The following LDAF1 variants were observed in gnomAD, a reference collection of about 807,000 sequenced individuals.
LDAF1 encodes lipid droplet assembly factor 1.
In LDAF1, 7 loss-of-function variants were observed where a neutral mutation model predicts 13.5. The observed-to-expected ratio is 0.52, with a 90% confidence interval of 0.29 to 0.97. The LOEUF (loss-of-function observed/expected upper bound fraction) is 0.97, where lower values mean the gene tolerates loss of function less well. LDAF1 is among the 50% of genes least tolerant of loss of function. The pLI is 0.07. For missense variants in LDAF1, 148 were observed against 193.2 expected, an observed-to-expected ratio of 0.77 and a Z score of 1.39; for synonymous variants, 69 against 77.1, an observed-to-expected ratio of 0.89 and a Z score of 0.55.
chr16:21,165,275 A>G (rs1434022390), intron 2 of LDAF1, among the ~76,000 whole-genome samples: 6 of 152,232 alleles, frequency 3.9e-5, no homozygotes, highest in African/African-American at 1.4e-4. Context: ...AGCCTGGCCA[A>G]CATGGTGAAA....
chr16:21,167,031 T>G (rs2093030838), intron 2 of LDAF1: 3 of 925,128 alleles, frequency 3.2e-6, no homozygotes. Flanking sequence ...TGCCGTCCTG[T>G]GGCCTGGCAG....
Position 21,159,267 on chromosome 16 carries a change from C to T in LDAF1, c.-99+521C>T, listed in dbSNP as rs980658219. 7 of 1,430,112 alleles carry T rather than the reference C, an allele frequency of 4.9e-6. No homozygotes were observed. In the Admixed American group the frequency reaches 1.0e-4, roughly 21 times the overall value. The allele number at this position is 1,430,112 out of a possible 1,614,324, so 88.6% of individuals were successfully genotyped here. On this transcript the variant is annotated intron_variant, in intron 1 of 4. Coordinates refer to ENST00000233047, the MANE Select transcript of LDAF1 (RefSeq NM_001301771.2). The stretch of plus-strand genomic sequence containing the variant: ...AATTAATAACTAAGTACTCGACTCC[C>T]CTCTGAGTTCCCATTATTCAGTCTC...
At chr16:21,168,292 G>A (rs192494312) in intron 2 of LDAF1, among the ~76,000 whole-genome samples, 5 of 151,938 alleles carry the variant, frequency 3.3e-5, no homozygotes, top group Admixed American at 3.3e-4. Flanking sequence ...TGGGATTACA[G>A]GTATGAGCCA....
chr16:21,164,288 G>C lies in LDAF1; in HGVS notation c.96+3010G>C, dbSNP rs373834197. 1.4e-4 allele frequency among the ~76,000 whole-genome samples: 21 copies of C among 152,172 alleles called. 1 individual carries two copies. In the South Asian group the frequency reaches 3.7e-3, roughly 27 times the overall value. On this transcript the variant is annotated intron_variant, in intron 2 of 4. Coordinates refer to ENST00000233047, the MANE Select transcript of LDAF1 (RefSeq NM_001301771.2). ...AGACAGAGTCTCACTCTGTCTTCCAGGCTGGAGTATAGTGGTGTGATCATG... is the reference window on the plus strand; with the variant it reads ...AGACAGAGTCTCACTCTGTCTTCCACGCTGGAGTATAGTGGTGTGATCATG...
intron 1 of LDAF1, among the ~76,000 whole-genome samples, chr16:21,159,650 G>C (rs867897005): frequency 7.9e-5 from 12 of 152,338 alleles, no homozygotes; most frequent in Middle Eastern, 3.4e-3. Flanking sequence ...TCCCTTCTCG[G>C]GAGACAGCTC....
intron 2 of LDAF1, among the ~76,000 whole-genome samples, chr16:21,167,521 G>A (rs1324730622): frequency 6.6e-6 from 1 of 152,174 alleles, no homozygotes; most frequent in Non-Finnish European, 1.5e-5. Flanking sequence ...GAGTCAGATC[G>A]AAAATTCCTT....
intron 3 of LDAF1, among the ~76,000 whole-genome samples, chr16:21,171,137 A>C (rs1017842832): frequency 6.6e-6 from 1 of 152,340 alleles, no homozygotes; most frequent in East Asian, 1.9e-4. Context: ...CACCTACTGC[A>C]TGCCAGATGC....
At chr16:21,172,455 G>A (rs959088920) in intron 3 of LDAF1, among the ~76,000 whole-genome samples, 60 of 151,532 alleles carry the variant, frequency 4.0e-4, no homozygotes, top group Admixed American at 7.2e-4. Context: ...TCAAAAAAAA[G>A]AAAAGAAAAG....
chr16:21,166,986 G>A lies in LDAF1; in HGVS notation c.97-3451G>A. 11 of 1,404,176 alleles carry A rather than the reference G, an allele frequency of 7.8e-6. No individual in the cohort carries two copies. The South Asian group carries it at 1.2e-4, about 16-fold the overall frequency. The allele number at this position is 1,404,176 out of a possible 1,614,324, so 87.0% of individuals were successfully genotyped here. ...CTTTGGTGGCTTTTGTCAGAATGGTGGGGTAGCAGGAGGCAGTGAGGTCAG... is the reference window on the plus strand; with the variant it reads ...CTTTGGTGGCTTTTGTCAGAATGGTAGGGTAGCAGGAGGCAGTGAGGTCAG... On this transcript the variant is annotated intron_variant, in intron 2 of 4. Coordinates refer to ENST00000233047, the MANE Select transcript of LDAF1 (RefSeq NM_001301771.2).
Position 21,179,482 on chromosome 16 carries a change from A to G in LDAF1, c.412A>G (p.Thr138Ala), listed in dbSNP as rs754238079. ...CTTCTTGTTATCCGACAGGCCACTG[A>G]CACAGCAAAACACCAGTTGTGACTT... is the stretch of plus-strand genomic sequence containing the variant. Reference protein sequence around the residue: ...ISCWFSPRPLTQQNTSCDFLP... With the variant: ...ISCWFSPRPLAQQNTSCDFLP... The change falls in exon 5 of 5, where the codon ACA becomes GCA. Residue 138 changes from threonine (T) to alanine (A), a missense_variant. Coordinates refer to ENST00000233047, the MANE Select transcript of LDAF1 (RefSeq NM_001301771.2). 2 of 1,614,170 alleles carry G rather than the reference A, an allele frequency of 1.2e-6. No homozygotes were observed. Among genetic ancestry groups the G allele is most frequent in the South Asian group, 2.2e-5 (2 of 91,082 alleles).
chr16:21,168,143 T>C (rs2093044328), intron 2 of LDAF1, among the ~76,000 whole-genome samples: 1 of 152,092 alleles, frequency 6.6e-6, no homozygotes, highest in Admixed American at 6.5e-5. Context: ...GCCTCCCTAG[T>C]AGCTGGGACT....
At chr16:21,175,581 G>T (rs550242844) in intron 4 of LDAF1, among the ~76,000 whole-genome samples, 177 of 152,330 alleles carry the variant, frequency 1.2e-3, no homozygotes, top group African/African-American at 4.2e-3. Flanking sequence ...GCCGTAGCAT[G>T]AAGGCAGCAC....
chr16:21,168,796 AATT>A (rs961607400), intron 2 of LDAF1, among the ~76,000 whole-genome samples: 2 of 131,964 alleles, frequency 1.5e-5, no homozygotes, highest in East Asian at 2.1e-4. Context: ...TTATAAATAT[AATT>A]ATATTTTTAT....
rs370882955 is a variant in LDAF1, at chr16:21,179,463, G to C, written c.405-12G>C. 1.9e-6 allele frequency: 3 copies of C among 1,614,044 alleles called. No individual in the cohort carries two copies. In the Admixed American group the frequency reaches 5.0e-5, roughly 27 times the overall value. On this transcript the variant is annotated splice_polypyrimidine_tract_variant and intron_variant, in intron 4 of 4. Coordinates refer to ENST00000233047, the MANE Select transcript of LDAF1 (RefSeq NM_001301771.2). ...GCCCTAGAGCTAACGATCTCTTCTT[G>C]TTATCCGACAGGCCACTGACACAGC...
At chr16:21,166,823 CTCTCTT>C in intron 2 of LDAF1, 1 of 1,535,472 alleles carries the variant, frequency 6.5e-7, no homozygotes, top group East Asian at 2.4e-5. Flanking sequence ...GCTCCTCCGC[CTCTCTT>C]TCTCTTTCAG....
intron 1 of LDAF1, chr16:21,159,312 A>AC: frequency 6.2e-7 from 1 of 1,607,466 alleles, no homozygotes; most frequent in East Asian, 2.2e-5. Flanking sequence ...TGGGACGCGG[A>AC]CCCCCTCTCC....
At chr16:21,177,563 T>C (rs2093149796) in intron 4 of LDAF1, among the ~76,000 whole-genome samples, 1 of 151,822 alleles carries the variant, frequency 6.6e-6, no homozygotes, top group South Asian at 2.1e-4. Flanking sequence ...AGGCATATAA[T>C]AGGTCATGTT....
chr16:21,169,004 ATAT>A (rs1486955231), intron 2 of LDAF1: 1 of 143,570 alleles, frequency 7.0e-6, no homozygotes, highest in Non-Finnish European at 1.5e-5. Flanking sequence ...TATAATTATT[ATAT>A]TATAATTATA....
At position 21,168,547 on chromosome 16, in the gene LDAF1, ATAT is replaced by A. The variant is rs560052149; in HGVS notation, c.97-1886_97-1884del. ...AAATAATATATAAATAATATAATAC[ATAT>A]TATAATTATATACATATATAAATAT... On this transcript the variant is annotated intron_variant, in intron 2 of 4. Transcript: ENST00000233047. Among the ~76,000 whole-genome samples the A allele has an allele frequency of 7.2e-3, 1,055 of 145,584 alleles. 14 individuals are homozygous for A. The highest frequency in any genetic ancestry group is 0.02 in the African/African-American group (788 of 40,168).
Sources: gnomAD v4.1 joint callset for allele counts (sites outside exome capture counted in the v4.1 genomes callset) on GRCh38, gnomAD v4.1.1 for gene constraint, MANE v1.5 for transcripts, NCBI Gene and HGNC (gene_info 2026-07-23, HGNC 2026-07-21) for gene names.